VAV2: variants seen among roughly 807,000 people sequenced by gnomAD.
VAV2 encodes vav guanine nucleotide exchange factor 2, also known as guanine nucleotide exchange factor VAV2.
VAV2 carries 67 observed loss-of-function variants against 132.5 expected under a neutral mutation model. The ratio of observed to expected loss-of-function variants is 0.51; its 90% CI spans 0.42 to 0.62. The LOEUF (loss-of-function observed/expected upper bound fraction) is 0.62, where lower values mean the gene tolerates loss of function less well. Ranked by LOEUF, VAV2 falls within the 20% of genes least tolerant of loss-of-function variation. VAV2 has a pLI of 0.00. For synonymous variants in VAV2, 492 were observed against 443.5 expected (o/e 1.11, Z -1.37); for missense variants, 938 against 1,153.6 (o/e 0.81, Z 2.71).
intron 3 of VAV2, among the ~76,000 whole-genome samples, chr9:133,845,063 G>A (rs1447016786): frequency 6.6e-6 from 1 of 152,256 alleles, no homozygotes; most frequent in Admixed American, 6.5e-5. Context: ...GTCTGTTGCA[G>A]GAGGGCAGCA....
chr9:133,791,761 C>CT (rs1406137959), intron 13 of VAV2, 22 bp downstream of exon 13: 1 of 1,607,620 alleles, frequency 6.2e-7, no homozygotes, highest in Non-Finnish European at 8.5e-7. Flanking sequence ...CTTCCCTAGC[C>CT]TGAAGAGTCA....
chr9:133,892,087 G>A (rs1374254009), intron 2 of VAV2, among the ~76,000 whole-genome samples: 1 of 120,492 alleles, frequency 8.3e-6, no homozygotes, highest in East Asian at 2.8e-4. Flanking sequence ...GGGAGGAGGG[G>A]GAAGGAGAGG....
At position 133,769,577 on chromosome 9, in the gene VAV2, G is replaced by A; in HGVS notation, c.2348-74C>T. On this transcript the variant is annotated intron_variant, in intron 27 of 29. Transcript: ENST00000371850. This position sits in a 1 kb window ranked among gnomAD's most constrained non-coding sequence, Gnocchi z 8.1. The stretch of plus-strand genomic sequence containing the variant: ...CACAGTCACGGTGGGCACAGCTACA[G>A]GCCGGGGGGCATGGGGTGGGGCAGG... 6.8e-6 allele frequency: 10 copies of A among 1,471,084 alleles called. No individual in the cohort carries two copies. The South Asian group carries it at 1.3e-4, about 19-fold the overall frequency. The allele number at this position is 1,471,084 out of a possible 1,614,324, so 91.1% of individuals were successfully genotyped here.
At position 133,910,615 on chromosome 9, in the gene VAV2, C is replaced by T. The variant is rs938225425; in HGVS notation, c.321+28488G>A. Among the ~76,000 whole-genome samples the T allele has an allele frequency of 2.0e-5, 3 of 149,682 alleles. No homozygotes were observed. In the Admixed American group the frequency reaches 2.0e-4, roughly 10 times the overall value. ...CACGAGGTCAGGAGATCAAGACCAT[C>T]CTGGCTAACACGGTGAAACCCCGAC... On this transcript the variant is annotated intron_variant, in intron 2 of 29. Coordinates refer to ENST00000371850, the MANE Select transcript of VAV2 (RefSeq NM_001134398.2).
Position 133,778,728 on chromosome 9 carries a change from GGGACCCTCGACCCTCCCGGGCCCCA to G in VAV2, c.1890+9_1890+33del. The G allele has an allele frequency of 1.9e-6, 3 of 1,608,202 alleles. No homozygotes were observed. Among genetic ancestry groups the G allele is most frequent in the Non-Finnish European group, 2.5e-6 (3 of 1,178,654 alleles). ...AGGGAGCAGGGAGGAGCTGGAGCCG[GGGACCCTCGACCCTCCCGGGCCCCA>G]GGACCCACCTCCCACCACGGAGACT... On this transcript the variant is annotated intron_variant, in intron 22 of 29. Coordinates refer to ENST00000371850, the MANE Select transcript of VAV2 (RefSeq NM_001134398.2).
intron 2 of VAV2, among the ~76,000 whole-genome samples, chr9:133,872,354 G>T (rs375293411): frequency 2.0e-5 from 3 of 152,242 alleles, no homozygotes; most frequent in Non-Finnish European, 4.4e-5. Flanking sequence ...GGGTGACTGC[G>T]AGTCTAACTT....
Position 133,823,887 on chromosome 9 carries a change from C to T in VAV2, c.449+10385G>A, listed in dbSNP as rs946006185. Among the ~76,000 whole-genome samples the T allele has an allele frequency of 3.3e-5, 5 of 152,186 alleles. No individual in the cohort carries two copies. Among genetic ancestry groups the T allele is most frequent in the African/African-American group, 9.7e-5 (4 of 41,450 alleles). ...CTCACACACACACGGGAATGCGGAG[C>T]GGGCAGGGTGGTCACGCGCACCTGC... On this transcript the variant is annotated intron_variant, in intron 4 of 29. Transcript: ENST00000371850. This position sits in a 1 kb window ranked among gnomAD's most constrained non-coding sequence, Gnocchi z 5.5.
At position 133,783,568 on chromosome 9, in the gene VAV2, A is replaced by G. The variant is rs202226819; in HGVS notation, c.1658T>C (p.Met553Thr). The change falls in exon 19 of 30, where the codon ATG (methionine) becomes ACG (threonine). Residue 553 changes from methionine (M) to threonine (T), a missense_variant. Met to Thr is a moderately conservative substitution (Grantham distance 81). Transcript: ENST00000371850. ...TGCCCCGACGCCACACTTGGTACACATGTATCCCTGGTAGAAGGTGCCCCT... is the reference window on the plus strand; with the variant it reads ...TGCCCCGACGCCACACTTGGTACACGTGTATCCCTGGTAGAAGGTGCCCCT... ...FLRGTFYQGY[M>T]CTKCGVGAHK... The G allele has an allele frequency of 6.2e-7, 1 of 1,613,950 alleles. No individual in the cohort carries two copies. The highest frequency in any genetic ancestry group is 1.3e-5 in the African/African-American group (1 of 75,004).
In VAV2 at chr9:133,923,526, C is replaced by T. The variant is rs10993866; in HGVS notation, c.321+15577G>A. On this transcript the variant is annotated intron_variant, in intron 2 of 29. Transcript: ENST00000371850. ...TGGAGAGGATGTGGAGAAATAGGAA[C>T]GCTTTTACACTGTTGGTGGGAGTGT... Among the ~76,000 whole-genome samples, 1,882 of 152,280 alleles carry T rather than the reference C, an allele frequency of 0.012. 90 individuals are homozygous for T. In the East Asian group the frequency reaches 0.18, roughly 15 times the overall value.
intron 1 of VAV2, among the ~76,000 whole-genome samples, chr9:133,988,759 T>C (rs1352827533): frequency 1.3e-5 from 2 of 151,992 alleles, no homozygotes; most frequent in African/African-American, 4.8e-5. Context: ...CCGTCTCTAC[T>C]AAAAATACAA....
intron 13 of VAV2, 60 bp from the exon 14 acceptor site, chr9:133,789,403 C>T: frequency 3.2e-6 from 5 of 1,545,574 alleles, no homozygotes; most frequent in African/African-American, 1.4e-5. Context: ...CTCCTGACCG[C>T]ACGGGCAGGG....
chr9:133,893,978 C>T (rs924775420), intron 2 of VAV2, among the ~76,000 whole-genome samples: 2 of 152,166 alleles, frequency 1.3e-5, no homozygotes, highest in African/African-American at 2.4e-5. Flanking sequence ...AACTGAGGCT[C>T]GGGGAGAAGG....
At chr9:133,947,049 T>C (rs886018) in intron 1 of VAV2, among the ~76,000 whole-genome samples, 110,694 of 152,064 alleles carry the variant, frequency 0.73, 40,416 homozygotes, top group East Asian at 0.8. Flanking sequence ...CTCTTAGGTG[T>C]CCTCTGACTG....
chr9:133,813,019 C>T (rs12386989), intron 4 of VAV2, among the ~76,000 whole-genome samples: 4,190 of 152,292 alleles, frequency 0.028, 184 homozygotes, highest in African/African-American at 0.096. Context: ...GCTTCCTCAG[C>T]CCTCCTGATG....
chr9:133,899,850 T>C (rs1457144667), intron 2 of VAV2, among the ~76,000 whole-genome samples: 1 of 150,874 alleles, frequency 6.6e-6, no homozygotes, highest in Non-Finnish European at 1.5e-5. Context: ...TGAAACCCCA[T>C]CTCTACTAAA....
chr9:133,960,645 C>A (rs752839860), intron 1 of VAV2, among the ~76,000 whole-genome samples: 2 of 152,222 alleles, frequency 1.3e-5, no homozygotes, highest in Non-Finnish European at 2.9e-5. Flanking sequence ...AGTCAGTGAA[C>A]GCCCTGCTGA....
At chr9:133,873,092 G>T (rs959182366) in intron 2 of VAV2, among the ~76,000 whole-genome samples, 2 of 133,440 alleles carry the variant, frequency 1.5e-5, no homozygotes, top group African/African-American at 5.5e-5. Context: ...CAGCCTGGGC[G>T]ACAGAGGGAG....
intron 23 of VAV2, among the ~76,000 whole-genome samples, chr9:133,776,501 C>T (rs566387668): frequency 9.9e-5 from 15 of 152,278 alleles, no homozygotes; most frequent in African/African-American, 3.6e-4. Flanking sequence ...GGTAGGGCTC[C>T]CTCCCTGGCT....
chr9:133,946,817 T>C (rs922025342), intron 1 of VAV2, among the ~76,000 whole-genome samples: 2 of 152,176 alleles, frequency 1.3e-5, no homozygotes, highest in Non-Finnish European at 2.9e-5. Context: ...TGCAGCTTGA[T>C]GGAATGGATC....
Sources: gnomAD v4.1 joint callset for allele counts (sites outside exome capture counted in the v4.1 genomes callset) on GRCh38, gnomAD v4.1.1 for gene constraint, Gnocchi (gnomAD v3.1) non-coding constraint, MANE v1.5 for transcripts, NCBI Gene and HGNC (gene_info 2026-07-23, HGNC 2026-07-21) for gene names.